SETD2: variants seen among roughly 807,000 people sequenced by gnomAD.
SETD2 encodes the protein SET domain containing 2, histone lysine methyltransferase, also known as histone-lysine N-methyltransferase SETD2.
A neutral mutation model predicts 242.1 loss-of-function variants in SETD2; 31 were observed. The ratio of observed to expected loss-of-function variants is 0.13; its 90% CI spans 0.10 to 0.17. SETD2 has a LOEUF of 0.17. SETD2 is among the 10% of genes least tolerant of loss of function. SETD2 has a pLI of 1.00. For missense variants in SETD2, 2,481 were observed against 3,046.3 expected, an observed-to-expected ratio of 0.81 and a Z score of 4.37; for synonymous variants, 1,006 against 1,066.5, an observed-to-expected ratio of 0.94 and a Z score of 1.11.
rs770913885 is a variant in SETD2, at chr3:47,057,002, G to A, written c.6782C>T (p.Ala2261Val). The A allele has an allele frequency of 4.3e-6, 7 of 1,614,270 alleles. No homozygotes were observed. In the South Asian group the frequency reaches 5.5e-5, roughly 13 times the overall value. The part of the protein sequence containing the change: ...DSSVAVLPVP[A>V]PGPVQGQNYS... ...ATTCTGTCCCTGAACTGGGCCGGGG[G>A]CCGGCACTGGCAAGACAGCAACGCT... The change falls in exon 15 of 21, where the codon GCC (alanine) becomes GTC (valine). Residue 2261 changes from alanine (A) to valine (V), a missense_variant. By Grantham distance (64) the Ala-to-Val change is moderately conservative. Transcript: ENST00000409792.
At chr3:47,055,599 G>A (rs977017061) in intron 15 of SETD2, among the ~76,000 whole-genome samples, 8 of 151,888 alleles carry the variant, frequency 5.3e-5, no homozygotes, top group Admixed American at 4.6e-4. Flanking sequence ...TTTGGGAGGT[G>A]GGAAGATCAC....
At chr3:47,098,704 G>T (rs537349181) in intron 8 of SETD2, among the ~76,000 whole-genome samples, 1 of 152,092 alleles carries the variant, frequency 6.6e-6, no homozygotes, top group Non-Finnish European at 1.5e-5. Context: ...GCTGAGGCAT[G>T]AGAATTGTTT....
chr3:47,077,672 C>G (rs1559695560), intron 12 of SETD2, among the ~76,000 whole-genome samples: 4 of 152,148 alleles, frequency 2.6e-5, no homozygotes, highest in African/African-American at 7.2e-5. Flanking sequence ...ACAACTTCAT[C>G]TAGAATCCAG....
At chr3:47,043,876 A>G (rs574643790) in intron 16 of SETD2, among the ~76,000 whole-genome samples, 1 of 152,096 alleles carries the variant, frequency 6.6e-6, no homozygotes, top group Non-Finnish European at 1.5e-5. Flanking sequence ...TTATCTCTTA[A>G]TAGTTTAAGG....
intron 3 of SETD2, among the ~76,000 whole-genome samples, chr3:47,117,876 TG>T (rs970234938): frequency 2.0e-5 from 3 of 152,182 alleles, no homozygotes; most frequent in Non-Finnish European, 2.9e-5. Context: ...TCTTTTACCC[TG>T]GTCTAAAAAC....
At chr3:47,061,125 G>A (rs148514125) in intron 14 of SETD2, among the ~76,000 whole-genome samples, 2,935 of 152,242 alleles carry the variant, frequency 0.019, 46 homozygotes, top group Middle Eastern at 0.038. Flanking sequence ...GGCTGAGGCA[G>A]GAGAATGGCG....
intron 1 of SETD2, among the ~76,000 whole-genome samples, chr3:47,151,805 A>G (rs1185157523): frequency 1.4e-5 from 2 of 144,152 alleles, no homozygotes; most frequent in Non-Finnish European, 3.0e-5. Flanking sequence ...CCAGCCTGGG[A>G]GAGAGACCAA....
chr3:47,066,968 T>C, intron 13 of SETD2, 102 bp downstream of exon 13: 3 of 784,530 alleles, frequency 3.8e-6, no homozygotes, highest in Non-Finnish European at 6.3e-6. Flanking sequence ...ATATATTCTC[T>C]AGTTTCAAAA....
intron 1 of SETD2, among the ~76,000 whole-genome samples, chr3:47,142,753 C>G (rs1226368580): frequency 6.6e-6 from 1 of 151,598 alleles, no homozygotes; most frequent in African/African-American, 2.4e-5. Flanking sequence ...CTGCAACCTC[C>G]GCCTCCCAGG....
In SETD2 at chr3:47,017,207, A is replaced by C. The variant is rs2038018506; in HGVS notation, c.7581T>G (p.Pro2527=). Residue 2527 remains proline (P), a synonymous_variant, in exon 21 of 21, where the codon CCT becomes CCG. Transcript: ENST00000409792. This position sits in a 1 kb window ranked among gnomAD's most constrained non-coding sequence, Gnocchi z 4.8. ...MNKELKYCKN[P]EDLECNENVK... is the part of the protein sequence containing the mutation. ...CATTCTCATTGCACTCCAGGTCCTC[A>C]GGATTCTTACAGTACTTCAGCTCCT... The C allele has an allele frequency of 3.1e-6, 5 of 1,614,144 alleles. No homozygotes were observed. Among genetic ancestry groups the C allele is most frequent in the Non-Finnish European group, 4.2e-6 (5 of 1,180,016 alleles).
intron 18 of SETD2, among the ~76,000 whole-genome samples, chr3:47,022,118 C>T (rs2038248385): frequency 6.6e-6 from 1 of 150,908 alleles, no homozygotes; most frequent in Non-Finnish European, 1.5e-5. Context: ...TCGTTTGAAC[C>T]CGGGAGAGGT....
At chr3:47,113,835 T>C (rs376662835) in intron 5 of SETD2, 41 bp downstream of exon 5, 11 of 1,595,820 alleles carry the variant, frequency 6.9e-6, no homozygotes, top group Non-Finnish European at 9.4e-6. Flanking sequence ...TGAGACCTTG[T>C]CTCAAAAAAG....
chr3:47,025,487 T>C (rs2038431596), intron 18 of SETD2, among the ~76,000 whole-genome samples: 1 of 152,192 alleles, frequency 6.6e-6, no homozygotes, highest in African/African-American at 2.4e-5. Flanking sequence ...CAAGTACCTA[T>C]TATACAACAT....
rs754061219 is a variant in SETD2 at position 47,086,231 on chromosome 3, A to C, written c.5361T>G (p.Gly1787=). The change falls in exon 11 of 21, where the codon GGT becomes GGG. Residue 1787 remains glycine (G), a synonymous_variant. Transcript: ENST00000409792. ...GCTTCTGGTTACTTTCCCGGCCGTC[A>C]CCTAGCTCTGCCATCCAGATCCACA... ...SLLWIWMAEL[G]DGRESNQKLQ... 3 of 1,613,396 alleles carry C rather than the reference A, an allele frequency of 1.9e-6. No homozygotes were observed. The highest frequency in any genetic ancestry group is 1.7e-6 in the Non-Finnish European group (2 of 1,179,500).
chr3:47,059,709 C>T (rs576448281), intron 14 of SETD2, among the ~76,000 whole-genome samples: 2 of 152,080 alleles, frequency 1.3e-5, no homozygotes, highest in Admixed American at 6.6e-5. Context: ...CAAGCCACCA[C>T]GCCTGGCTGG....
intron 13 of SETD2, among the ~76,000 whole-genome samples, chr3:47,066,498 C>T (rs566984125): frequency 6.6e-6 from 1 of 152,082 alleles, no homozygotes; most frequent in Non-Finnish European, 1.5e-5. Flanking sequence ...AGGCACACAC[C>T]ACCACACTTA....
chr3:47,069,212 G>A (rs2040704545), intron 12 of SETD2, among the ~76,000 whole-genome samples: 1 of 152,184 alleles, frequency 6.6e-6, no homozygotes, highest in Non-Finnish European at 1.5e-5. Context: ...AGGTTATGAT[G>A]CTACCAGACA....
chr3:47,055,448 G>T (rs536981770), intron 15 of SETD2, among the ~76,000 whole-genome samples: 1 of 151,932 alleles, frequency 6.6e-6, no homozygotes, highest in African/African-American at 2.4e-5. Context: ...GCTCACGTCT[G>T]TAATCTCAAC....
At chr3:47,157,596 G>A (rs539443355) in intron 1 of SETD2, 4 of 454,276 alleles carry the variant, frequency 8.8e-6, no homozygotes, top group South Asian at 3.1e-5. Flanking sequence ...AACTGACCAG[G>A]GGCGTGGTGG....
Sources: allele counts gnomAD v4.1 joint callset (sites outside exome capture counted in the v4.1 genomes callset), GRCh38; gene constraint gnomAD v4.1.1; non-coding constraint Gnocchi (gnomAD v3.1); transcripts MANE v1.5; gene names NCBI Gene and HGNC (gene_info 2026-07-23, HGNC 2026-07-21).